The following RALYL variants were observed in gnomAD, a reference collection of about 807,000 sequenced individuals.
RALYL encodes the protein RNA-binding Raly-like protein.
RALYL carries 29 observed loss-of-function variants against 35.1 expected under a neutral mutation model. The ratio of observed to expected loss-of-function variants is 0.83; its 90% CI spans 0.61 to 1.13. The LOEUF (loss-of-function observed/expected upper bound fraction) is 1.13, where lower values mean the gene tolerates loss of function less well. Among genes scored for constraint, RALYL ranks in the 50% most tolerant of loss-of-function variants. The pLI is 0.00. For missense variants in RALYL, 359 were observed against 360.4 expected (o/e 1.00, Z 0.03); for synonymous variants, 120 against 127.6 (o/e 0.94, Z 0.40).
At chr8:84,451,745 T>C (rs2049499792) in intron 1 of RALYL, among the ~76,000 whole-genome samples, 1 of 152,046 alleles carries the variant, frequency 6.6e-6, no homozygotes, top group Non-Finnish European at 1.5e-5. Flanking sequence ...ATGAATGCTT[T>C]AAAATTAATA....
chr8:84,238,714 TGAGA>T (rs1224999007), intron 1 of RALYL, among the ~76,000 whole-genome samples: 6 of 152,020 alleles, frequency 3.9e-5, no homozygotes, highest in Middle Eastern at 3.2e-3. Context: ...TGGTAGGGTA[TGAGA>T]GAGGAGAGGG....
intron 2 of RALYL, among the ~76,000 whole-genome samples, chr8:84,720,071 T>C (rs538412286): frequency 3.5e-4 from 54 of 152,238 alleles, no homozygotes; most frequent in African/African-American, 1.3e-3. Flanking sequence ...GGTTCATGCA[T>C]GTTGTCACAA....
chr8:84,281,704 T>C (rs1402893276), intron 1 of RALYL, among the ~76,000 whole-genome samples: 1 of 152,124 alleles, frequency 6.6e-6, no homozygotes, highest in Non-Finnish European at 1.5e-5. Flanking sequence ...AAATTGTATG[T>C]GTATGTGTGT....
At chr8:84,537,515 G>A (rs2059696485) in intron 2 of RALYL, among the ~76,000 whole-genome samples, 1 of 151,732 alleles carries the variant, frequency 6.6e-6, no homozygotes, top group Non-Finnish European at 1.5e-5. Context: ...GCTGTGGAGG[G>A]ACTTAAATGG....
At chr8:84,340,470 T>G (rs1848605433) in intron 1 of RALYL, among the ~76,000 whole-genome samples, 2 of 152,102 alleles carry the variant, frequency 1.3e-5, no homozygotes, top group African/African-American at 4.8e-5. Context: ...GTAACCACTA[T>G]TCTACTCTTT....
chr8:84,381,879 G>C (rs983889263), intron 1 of RALYL, among the ~76,000 whole-genome samples: 2 of 151,152 alleles, frequency 1.3e-5, no homozygotes, highest in Admixed American at 6.6e-5. Flanking sequence ...ATTTTTCCTT[G>C]TTGTTCCTTT....
At position 84,785,401 on chromosome 8, in the gene RALYL, G is replaced by A. The variant is rs192437456; in HGVS notation, c.332+10747G>A. On this transcript the variant is annotated intron_variant, in intron 3 of 8. Transcript: ENST00000521268. ...CCTCTTTAAGCCCCATTTTCTCATAGTAAAATGAAGGAGTTGAATTAAAAC... is the reference window on the plus strand; with the variant it reads ...CCTCTTTAAGCCCCATTTTCTCATAATAAAATGAAGGAGTTGAATTAAAAC... Among the ~76,000 whole-genome samples, 368 of 152,184 alleles carry A rather than the reference G, an allele frequency of 2.4e-3. 2 individuals carry two copies. The highest frequency in any genetic ancestry group is 8.5e-3 in the African/African-American group (354 of 41,538).
Position 84,294,738 on chromosome 8 carries a change from T to G in RALYL, c.-24+110314T>G, listed in dbSNP as rs539363328. Among the ~76,000 whole-genome samples, 3 of 151,470 alleles carry G rather than the reference T, an allele frequency of 2.0e-5. No homozygotes were observed. The South Asian group carries it at 6.3e-4, about 32-fold the overall frequency. On this transcript the variant is annotated intron_variant, in intron 1 of 8. Coordinates refer to ENST00000521268, the MANE Select transcript of RALYL (RefSeq NM_173848.7). ...CACACTTGTGGCAGAGACTCAAAGG[T>G]AGACAGAGAAGTGGGTTAACTTTGT...
chr8:84,805,365 C>T (rs1824341728), intron 4 of RALYL, among the ~76,000 whole-genome samples: 3 of 152,164 alleles, frequency 2.0e-5, no homozygotes, highest in Admixed American at 6.5e-5. Context: ...TGATGGTATC[C>T]TTCTTAGTCA....
intron 8 of RALYL, among the ~76,000 whole-genome samples, chr8:84,917,491 T>C (rs1405686775): frequency 2.0e-5 from 3 of 151,602 alleles, no homozygotes; most frequent in Admixed American, 6.6e-5. Context: ...TATTCTCTTT[T>C]AGTTATATTA....
At chr8:84,258,932 A>G (rs1242841540) in intron 1 of RALYL, among the ~76,000 whole-genome samples, 1 of 152,090 alleles carries the variant, frequency 6.6e-6, no homozygotes, top group East Asian at 1.9e-4. Context: ...TTCTATCTTT[A>G]TTGTTTTAGG....
intron 2 of RALYL, among the ~76,000 whole-genome samples, chr8:84,565,873 T>C (rs1272667356): frequency 6.6e-6 from 1 of 151,612 alleles, no homozygotes; most frequent in Non-Finnish European, 1.5e-5. Context: ...CCTTGGGGGA[T>C]TAAGTAAAAT....
At chr8:84,269,190 G>A (rs1475482888) in intron 1 of RALYL, among the ~76,000 whole-genome samples, 1 of 152,032 alleles carries the variant, frequency 6.6e-6, no homozygotes, top group East Asian at 1.9e-4. Context: ...TAATTAATAT[G>A]GGAAAGAATG....
chr8:84,836,774 C>A (rs1832110683), intron 4 of RALYL, among the ~76,000 whole-genome samples: 1 of 152,184 alleles, frequency 6.6e-6, no homozygotes, highest in Non-Finnish European at 1.5e-5. Flanking sequence ...CTGATTTCAC[C>A]TTATCCACGG....
intron 1 of RALYL, among the ~76,000 whole-genome samples, chr8:84,234,923 C>A (rs1296219537): frequency 3.3e-5 from 5 of 151,926 alleles, no homozygotes; most frequent in African/African-American, 4.8e-5. Flanking sequence ...CGCGACCATG[C>A]CCGGCTAATT....
chr8:84,426,438 C>CTG (rs71271987), intron 1 of RALYL, among the ~76,000 whole-genome samples: 31,092 of 135,856 alleles, frequency 0.23, 3,775 homozygotes, highest in East Asian at 0.34. Context: ...CTCTCTCTCT[C>CTG]TGTGTGTGTG....
chr8:84,887,804 C>A (rs1286776615), intron 8 of RALYL, 28 bp downstream of exon 8: 2 of 1,588,918 alleles, frequency 1.3e-6, no homozygotes, highest in South Asian at 1.1e-5. Context: ...GGTATTCACA[C>A]CCTTTGGGTA....
At chr8:84,273,936 C>T (rs375342978) in intron 1 of RALYL, among the ~76,000 whole-genome samples, 58 of 152,274 alleles carry the variant, frequency 3.8e-4, no homozygotes, top group African/African-American at 1.3e-3. Flanking sequence ...CAGAAGAAAA[C>T]TAGAAACCAT....
At chr8:84,251,883 A>G (rs1303308340) in intron 1 of RALYL, among the ~76,000 whole-genome samples, 2 of 151,254 alleles carry the variant, frequency 1.3e-5, no homozygotes, top group African/African-American at 4.9e-5. Context: ...GAAGTTTTAG[A>G]AAGATTTATT....
Sources: allele counts gnomAD v4.1 joint callset (sites outside exome capture counted in the v4.1 genomes callset), GRCh38; gene constraint gnomAD v4.1.1; transcripts MANE v1.5; gene names NCBI Gene and HGNC (gene_info 2026-07-23, HGNC 2026-07-21).